KCTD1: variants seen among roughly 807,000 people sequenced by gnomAD.
KCTD1 encodes potassium channel tetramerization domain containing 1, also known as BTB/POZ domain-containing protein KCTD1.
A neutral mutation model predicts 66.0 loss-of-function variants in KCTD1; 24 were observed. That is an observed-to-expected ratio of 0.36 (90% CI 0.26 to 0.51). The LOEUF (loss-of-function observed/expected upper bound fraction) is 0.51. Ranked by LOEUF, KCTD1 falls within the 20% of genes least tolerant of loss-of-function variation. The pLI, the probability that KCTD1 is intolerant of heterozygous loss-of-function variation, is 0.95. For missense variants in KCTD1, 943 were observed against 1,205.2 expected, an observed-to-expected ratio of 0.78 and a Z score of 3.22; for synonymous variants, 511 against 517.2, an observed-to-expected ratio of 0.99 and a Z score of 0.16.
intron 2 of KCTD1, among the ~76,000 whole-genome samples, chr18:26,487,317 AAGG>A (rs1281418033): frequency 6.6e-6 from 1 of 152,220 alleles, no homozygotes; most frequent in African/African-American, 2.4e-5. Context: ...ATCTCTTGAA[AAGG>A]AGGACAGAAA....
At chr18:26,497,819 ATGTCTCGGAACT>A (rs1285176112) in intron 2 of KCTD1, among the ~76,000 whole-genome samples, 1 of 152,214 alleles carries the variant, frequency 6.6e-6, no homozygotes, top group Admixed American at 6.5e-5. Flanking sequence ...AATGATAAGG[ATGTCTCGGAACT>A]TGTGACCGGC....
chr18:26,545,119 A>G (rs1174128919), intron 1 of KCTD1: 1 of 152,230 alleles, frequency 6.6e-6, no homozygotes, highest in Non-Finnish European at 1.5e-5. Context: ...ACTGGTGTCA[A>G]GAAACCAGCA....
chr18:26,486,779 C>T (rs945184963), intron 2 of KCTD1, among the ~76,000 whole-genome samples: 3 of 152,236 alleles, frequency 2.0e-5, no homozygotes, highest in East Asian at 1.9e-4. Flanking sequence ...CATATAAAAA[C>T]GTCAGATTAA....
intron 1 of KCTD1, among the ~76,000 whole-genome samples, chr18:26,624,844 C>T (rs911235214): frequency 1.3e-5 from 2 of 152,224 alleles, no homozygotes; most frequent in African/African-American, 4.8e-5. Context: ...ACATTCAATG[C>T]TAGCCCATGA....
Position 26,469,719 on chromosome 18 carries a change from GC to G in KCTD1, c.2133+6795del, listed in dbSNP as rs1980947817. 4.6e-5 allele frequency among the ~76,000 whole-genome samples: 7 copies of G among 152,232 alleles called. No homozygotes were observed. In the South Asian group the frequency reaches 1.5e-3, roughly 32 times the overall value. ...ATATAATTTTGAAAGGAAGTGCATT[GC>G]CTATTCATATTTAGATTGTGGCTTC... is the stretch of plus-strand genomic sequence containing the variant. On this transcript the variant is annotated intron_variant, in intron 3 of 4. Transcript: ENST00000580059.
rs1980980965 is a variant in KCTD1, at chr18:26,470,256, C to CTG, written c.2133+6258_2133+6259insCA. Among the ~76,000 whole-genome samples the CTG allele has an allele frequency of 4.1e-5, 6 of 145,378 alleles. No individual in the cohort carries two copies. In the South Asian group the frequency reaches 1.2e-3, roughly 28 times the overall value. On this transcript the variant is annotated intron_variant, in intron 3 of 4. Coordinates refer to ENST00000580059, the MANE Select transcript of KCTD1 (RefSeq NM_001142730.3). ...CTCTTTCCCTTGCCTATTTCTCTTA[C>CTG]TACAGAGGCTAAAAATAAGCGAAGA... is the stretch of plus-strand genomic sequence containing the variant.
intron 1 of KCTD1, among the ~76,000 whole-genome samples, chr18:26,533,124 A>C (rs1984528675): frequency 6.6e-6 from 1 of 152,216 alleles, no homozygotes; most frequent in Admixed American, 6.5e-5. Context: ...ATAACATGTG[A>C]TACACAGATG....
At chr18:26,612,480 G>A (rs372044860) in intron 1 of KCTD1, among the ~76,000 whole-genome samples, 2 of 152,186 alleles carry the variant, frequency 1.3e-5, no homozygotes, top group East Asian at 3.8e-4. Context: ...GTCTTTGTAA[G>A]AAGAGGAAAC....
chr18:26,600,492 G>C (rs868708045), intron 1 of KCTD1, among the ~76,000 whole-genome samples: 1 of 151,902 alleles, frequency 6.6e-6, no homozygotes, highest in Non-Finnish European at 1.5e-5. Flanking sequence ...AAGCTGGCTG[G>C]GGGGGGTGCA....
chr18:26,548,213 C>T lies in KCTD1; in HGVS notation c.324G>A (p.Glu108=). ...GLDWDEPLEP[E]DSAGEELEPE... is the part of the protein sequence containing the mutation. ...GCTCCAGCTCCTCCCCGGCCGAGTC[C>T]TCGGGCTCCAGGGGCTCGTCCCAGT... The change falls in exon 1 of 5, where the codon GAG becomes GAA. Residue 108 remains glutamate, a synonymous_variant. Coordinates refer to ENST00000580059, the MANE Select transcript of KCTD1 (RefSeq NM_001142730.3). 1 of 1,508,904 alleles carries T rather than the reference C, an allele frequency of 6.6e-7. No individual in the cohort carries two copies. Among genetic ancestry groups the T allele is most frequent in the Non-Finnish European group, 8.8e-7 (1 of 1,132,462 alleles). 93.5% of individuals were successfully genotyped at this position (1,508,904 alleles called of 1,614,324 possible).
intron 2 of KCTD1, among the ~76,000 whole-genome samples, chr18:26,477,463 T>C (rs1981409087): frequency 6.6e-6 from 1 of 152,234 alleles, no homozygotes; most frequent in Non-Finnish European, 1.5e-5. Context: ...CATTAGTATA[T>C]ACTCAGTTAA....
intron 1 of KCTD1, among the ~76,000 whole-genome samples, chr18:26,651,608 A>AC (rs1220477911): frequency 6.6e-6 from 1 of 151,784 alleles, no homozygotes; most frequent in East Asian, 1.9e-4. Context: ...AAATGGTGAA[A>AC]CCCCACCTCT....
chr18:26,594,740 A>G (rs1276469810), intron 1 of KCTD1, among the ~76,000 whole-genome samples: 1 of 152,206 alleles, frequency 6.6e-6, no homozygotes, highest in Admixed American at 6.5e-5. Context: ...TAACATTTAA[A>G]TCAGTGGAGC....
intron 1 of KCTD1, among the ~76,000 whole-genome samples, chr18:26,546,096 T>C (rs1598932745): frequency 6.6e-6 from 1 of 152,118 alleles, no homozygotes. Context: ...CTGACTGGAA[T>C]TGCAGATACC....
chr18:26,526,449 T>C (rs1241481908), intron 1 of KCTD1, among the ~76,000 whole-genome samples: 1 of 152,198 alleles, frequency 6.6e-6, no homozygotes, highest in African/African-American at 2.4e-5. Context: ...GCGATGACCA[T>C]TTTACGGCTT....
intron 1 of KCTD1, among the ~76,000 whole-genome samples, chr18:26,608,657 C>CA (rs1987069739): frequency 6.6e-6 from 1 of 152,158 alleles, no homozygotes. Context: ...TTTTATGTGT[C>CA]AGTCCCCAAA....
intron 1 of KCTD1, among the ~76,000 whole-genome samples, chr18:26,590,089 A>AT (rs919752548): frequency 5.9e-5 from 9 of 151,938 alleles, no homozygotes; most frequent in Middle Eastern, 3.4e-3. Flanking sequence ...ATTTTATTTT[A>AT]TTTATTTTAT....
At chr18:26,645,387 T>G (rs1373943715) in intron 1 of KCTD1, among the ~76,000 whole-genome samples, 1 of 152,092 alleles carries the variant, frequency 6.6e-6, no homozygotes, top group African/African-American at 2.4e-5. Flanking sequence ...GTAGCTAGGA[T>G]TACAGGCACA....
At chr18:26,526,292 A>G (rs1446748540) in intron 1 of KCTD1, among the ~76,000 whole-genome samples, 1 of 152,186 alleles carries the variant, frequency 6.6e-6, no homozygotes. Context: ...CCCATGCACA[A>G]TGAACCTCCC....
Sources: allele counts gnomAD v4.1 joint callset (sites outside exome capture counted in the v4.1 genomes callset), GRCh38; gene constraint gnomAD v4.1.1; transcripts MANE v1.5; gene names NCBI Gene and HGNC (gene_info 2026-07-23, HGNC 2026-07-21).